ATXN1: variants seen among roughly 807,000 people sequenced by gnomAD.
The protein encoded by ATXN1 is ataxin-1.
Under a neutral mutation model 56.4 loss-of-function variants are expected in ATXN1, and 8 were observed. The ratio of observed to expected loss-of-function variants is 0.14; its 90% confidence interval spans 0.08 to 0.26. The LOEUF is 0.26. Among genes scored for constraint, ATXN1 ranks in the 10% least tolerant of loss-of-function variants. The probability of loss-of-function intolerance (pLI) is 1.00; values close to 1 mark genes in which losing one functional copy is unlikely to be tolerated. For missense variants in ATXN1, 987 were observed against 1,106.5 expected (o/e 0.89, Z 1.53); for synonymous variants, 514 against 494.6 (o/e 1.04, Z -0.52).
chr6:16,518,611 T>A (rs915543468), intron 5 of ATXN1, among the ~76,000 whole-genome samples: 5 of 152,166 alleles, frequency 3.3e-5, no homozygotes, highest in African/African-American at 1.2e-4. Context: ...GGAAGAGAAC[T>A]CTTGTAAGAT....
chr6:16,560,483 A>G (rs566753905), intron 4 of ATXN1, among the ~76,000 whole-genome samples: 4 of 152,264 alleles, frequency 2.6e-5, no homozygotes, highest in African/African-American at 9.6e-5. Context: ...GACTATAGTG[A>G]GCTCATCAGA....
intron 4 of ATXN1, among the ~76,000 whole-genome samples, chr6:16,540,006 T>A (rs1761681524): frequency 6.6e-6 from 1 of 152,084 alleles, no homozygotes; most frequent in Admixed American, 6.6e-5. Context: ...AGAAACAGAG[T>A]ACTGTTCGGA....
chr6:16,724,682 A>T (rs555050802), intron 2 of ATXN1, among the ~76,000 whole-genome samples: 9 of 152,362 alleles, frequency 5.9e-5, no homozygotes, highest in African/African-American at 2.2e-4. Flanking sequence ...AAAGAACCTG[A>T]GGAATGACGC....
intron 6 of ATXN1, among the ~76,000 whole-genome samples, chr6:16,416,148 C>CA (rs1177982778): frequency 2.0e-5 from 3 of 149,136 alleles, no homozygotes; most frequent in Non-Finnish European, 3.0e-5. Context: ...AGTCAGTGTG[C>CA]TGATAACAAA....
intron 6 of ATXN1, among the ~76,000 whole-genome samples, chr6:16,395,270 C>CAAAAAAAAAAAAAAAAAAAAAAAAAAAAA (rs748314030): frequency 2.1e-5 from 1 of 48,456 alleles, no homozygotes; most frequent in African/African-American, 9.1e-5. Flanking sequence ...AACTCCGTCT[C>CAAAAAAAAAAAAAAAAAAAAAAAAAAAAA]AAAAAAAAAA....
At chr6:16,523,374 C>A (rs1477220009) in intron 4 of ATXN1, among the ~76,000 whole-genome samples, 2 of 152,186 alleles carry the variant, frequency 1.3e-5, no homozygotes, top group Non-Finnish European at 2.9e-5. Flanking sequence ...CCTCCAAAGT[C>A]CCTCTCATGG....
intron 2 of ATXN1, among the ~76,000 whole-genome samples, chr6:16,704,337 C>G (rs898222275): frequency 2.6e-5 from 4 of 152,232 alleles, no homozygotes; most frequent in South Asian, 2.1e-4. Context: ...CCCTTTCCCC[C>G]CAAGATTGAC....
chr6:16,503,729 A>T (rs1760927924), intron 5 of ATXN1, among the ~76,000 whole-genome samples: 1 of 152,220 alleles, frequency 6.6e-6, no homozygotes, highest in East Asian at 1.9e-4. Flanking sequence ...ATAAAGATGG[A>T]TGGGTGAGTG....
intron 2 of ATXN1, among the ~76,000 whole-genome samples, chr6:16,693,628 T>TTA (rs1759095994): frequency 6.6e-6 from 1 of 152,092 alleles, no homozygotes; most frequent in Non-Finnish European, 1.5e-5. Context: ...AGAACTCTAT[T>TTA]AACTACCTCC....
intron 6 of ATXN1, among the ~76,000 whole-genome samples, chr6:16,340,649 GCACTGCTCTCTCTAACGTTGTAGTTGGT>G (rs1405458325): frequency 6.6e-6 from 1 of 152,214 alleles, no homozygotes; most frequent in Non-Finnish European, 1.5e-5. Flanking sequence ...CGTGGTGCAG[GCACTGCTCTCTCTAACGTTGTAGTTGGT>G]CACCTTCTTA....
intron 2 of ATXN1, among the ~76,000 whole-genome samples, chr6:16,728,637 A>T (rs931742658): frequency 3.9e-5 from 6 of 152,348 alleles, no homozygotes; most frequent in Admixed American, 2.0e-4. Flanking sequence ...TGAAGTGTGA[A>T]TACTAGGGGT....
At chr6:16,405,597 G>A (rs1013471685) in intron 6 of ATXN1, among the ~76,000 whole-genome samples, 1 of 152,158 alleles carries the variant, frequency 6.6e-6, no homozygotes, top group Non-Finnish European at 1.5e-5. Context: ...AAATGTTAGC[G>A]CTGGAATGGA....
chr6:16,682,487 G>A (rs372479926), intron 2 of ATXN1, among the ~76,000 whole-genome samples: 24 of 152,154 alleles, frequency 1.6e-4, no homozygotes, highest in Middle Eastern at 3.4e-3. Flanking sequence ...GTGAGCCACC[G>A]CGCCTGGCCT....
chr6:16,594,157 AAT>A (rs60089226), intron 3 of ATXN1, among the ~76,000 whole-genome samples: 7 of 146,992 alleles, frequency 4.8e-5, no homozygotes, highest in African/African-American at 7.5e-5. Flanking sequence ...ATATTAGACT[AAT>A]ATATATATAT....
intron 6 of ATXN1, among the ~76,000 whole-genome samples, chr6:16,463,810 G>C (rs543745212): frequency 6.6e-6 from 1 of 152,298 alleles, no homozygotes; most frequent in Admixed American, 6.5e-5. Context: ...CAGCCATCTT[G>C]CTATTACTCA....
intron 6 of ATXN1, among the ~76,000 whole-genome samples, chr6:16,429,424 C>CG (rs1554146420): frequency 9.4e-5 from 9 of 95,406 alleles, no homozygotes; most frequent in Non-Finnish European, 1.7e-4. Context: ...ATTTTTTGTT[C>CG]GTTTTTTTTT....
intron 7 of ATXN1, among the ~76,000 whole-genome samples, chr6:16,310,523 C>T (rs534447221): frequency 6.6e-6 from 1 of 152,106 alleles, no homozygotes; most frequent in Non-Finnish European, 1.5e-5. Context: ...TGCTCTGTCG[C>T]CCAGGCTGGA....
intron 6 of ATXN1, among the ~76,000 whole-genome samples, chr6:16,415,404 A>G (rs1758881453): frequency 6.6e-6 from 1 of 152,038 alleles, no homozygotes; most frequent in South Asian, 2.1e-4. Context: ...AATTTTTTGT[A>G]TTTTTAGGAG....
intron 6 of ATXN1, among the ~76,000 whole-genome samples, chr6:16,379,465 G>A (rs185256044): frequency 8.5e-5 from 13 of 152,198 alleles, no homozygotes; most frequent in African/African-American, 2.2e-4. Context: ...ATAAGTACAC[G>A]TTTTACCCTT....
Sources: allele counts gnomAD v4.1 joint callset (sites outside exome capture counted in the v4.1 genomes callset), GRCh38; gene constraint gnomAD v4.1.1; transcripts MANE v1.5; gene names NCBI Gene and HGNC (gene_info 2026-07-23, HGNC 2026-07-21).